Variants in YY1AP1 observed in about 807,000 individuals in gnomAD.
YY1AP1 encodes YY1-associated protein 1.
In YY1AP1, 43 loss-of-function variants were observed where a neutral mutation model predicts 39.9. That is an observed-to-expected ratio of 1.08 (90% CI 0.84 to 1.39). The LOEUF (loss-of-function observed/expected upper bound fraction) is 1.39, where lower values mean the gene tolerates loss of function less well. Among genes scored for constraint, YY1AP1 ranks in the 40% most tolerant of loss-of-function variants. YY1AP1 has a pLI of 0.00. For missense variants in YY1AP1, 813 were observed against 900.7 expected (o/e 0.90, Z 1.25); for synonymous variants, 292 against 331.3 (o/e 0.88, Z 1.29).
At chr1:155,687,025 T>C (rs919407274) in intron 2 of YY1AP1, among the ~76,000 whole-genome samples, 1 of 152,006 alleles carries the variant, frequency 6.6e-6, no homozygotes, top group Non-Finnish European at 1.5e-5. Context: ...AGAAGTTCTC[T>C]CCTTATGCCT....
At chr1:155,677,172 G>A (rs1650816979) in intron 4 of YY1AP1, among the ~76,000 whole-genome samples, 1 of 152,156 alleles carries the variant, frequency 6.6e-6, no homozygotes, top group African/African-American at 2.4e-5. Flanking sequence ...AGGCTGCACT[G>A]CCCTGCTTTC....
At position 155,670,387 on chromosome 1, in the gene YY1AP1, G is replaced by A. The variant is rs750754755; in HGVS notation, c.661C>T (p.Leu221Phe). The change falls in exon 8 of 11, where the codon CTT becomes TTT. Residue 221 changes from leucine to phenylalanine, a missense_variant. Around this residue, in one of 3 missense-constraint regions of YY1AP1, gnomAD observed 586 missense variants for 647.4 expected, o/e 0.91. Transcript: ENST00000355499. Reference sequence around the variant, plus strand: ...TTTGCCTTCAGGGAACACACTGGAAGTAACTCTGGATACATGAAAACCTTG... The same window carrying A: ...TTTGCCTTCAGGGAACACACTGGAAATAACTCTGGATACATGAAAACCTTG... ...TSKVFMYPEL[L>F]PVCSLKAKNP... The A allele has an allele frequency of 3.4e-5, 55 of 1,613,656 alleles. No individual in the cohort carries two copies. Among genetic ancestry groups the A allele is most frequent in the Non-Finnish European group, 4.6e-5 (54 of 1,180,034 alleles).
Position 155,660,479 on chromosome 1 carries a change from A to C in YY1AP1, c.1431T>G (p.Phe477Leu), listed in dbSNP as rs1647898915. Residue 477 changes from phenylalanine (F) to leucine (L), a missense_variant, in exon 11 of 11, where the codon TTT (phenylalanine) becomes TTG (leucine). By Grantham distance (22) the Phe-to-Leu change is conservative. This residue lies in a region of YY1AP1 where 586 missense variants were observed against 647.4 expected (regional missense o/e 0.91). Coordinates refer to ENST00000355499, the MANE Select transcript of YY1AP1 (RefSeq NM_139119.3). ...PPLGVSGGES[F>L]ESPAALPAMP... ...TAGCAGGCAGTGCTGCAGGAGACTC[A>C]AAACTCTCACCTCCACTGACCCCCA... is the stretch of plus-strand genomic sequence containing the variant. The C allele has an allele frequency of 1.2e-6, 2 of 1,614,122 alleles. No individual in the cohort carries two copies. The highest frequency in any genetic ancestry group is 1.7e-6 in the Non-Finnish European group (2 of 1,179,980).
intron 9 of YY1AP1, among the ~76,000 whole-genome samples, chr1:155,661,680 G>C (rs1356730466): frequency 1.3e-5 from 2 of 152,172 alleles, no homozygotes; most frequent in African/African-American, 4.8e-5. Context: ...TTTTGAGACG[G>C]AGTCTTGCTC....
intron 9 of YY1AP1, among the ~76,000 whole-genome samples, chr1:155,667,007 T>A (rs1311426920): frequency 6.6e-6 from 1 of 150,482 alleles, no homozygotes; most frequent in Non-Finnish European, 1.5e-5. Flanking sequence ...CTCAAAAAAA[T>A]AAAATAAAAT....
chr1:155,671,501 CT>C (rs1649862843), intron 7 of YY1AP1, among the ~76,000 whole-genome samples: 1 of 151,862 alleles, frequency 6.6e-6, no homozygotes, highest in African/African-American at 2.4e-5. Context: ...CCAAATTTTA[CT>C]TTTATTTCAT....
At chr1:155,672,509 A>G in intron 7 of YY1AP1, 51 bp downstream of exon 7, 1 of 1,603,880 alleles carries the variant, frequency 6.2e-7, no homozygotes, top group Non-Finnish European at 8.5e-7. Context: ...TAAGATTCCC[A>G]CCACCTCTCA....
At chr1:155,680,571 C>T (rs1651369587) in intron 2 of YY1AP1, 115 bp from the exon 3 acceptor site, 1 of 881,222 alleles carries the variant, frequency 1.1e-6, no homozygotes, top group Non-Finnish European at 1.8e-6. Context: ...TTCTTCATAT[C>T]TATCCTTATT....
intron 4 of YY1AP1, 100 bp downstream of exon 4, chr1:155,679,309 G>C: frequency 1.9e-6 from 3 of 1,568,386 alleles, no homozygotes; most frequent in Non-Finnish European, 2.6e-6. Flanking sequence ...AGTAACAGAA[G>C]CTGGCTGGGG....
intron 2 of YY1AP1, among the ~76,000 whole-genome samples, chr1:155,685,868 A>G (rs1652140290): frequency 6.6e-6 from 1 of 152,110 alleles, no homozygotes; most frequent in African/African-American, 2.4e-5. Context: ...GATTCTCTGA[A>G]GGATAAGTGA....
intron 7 of YY1AP1, chr1:155,670,675 CTTT>C (rs58881636): frequency 7.4e-3 from 2,391 of 323,322 alleles, no homozygotes; most frequent in East Asian, 0.016. Context: ...TAAAAGTTGA[CTTT>C]TTTTTTTTTT....
intron 2 of YY1AP1, among the ~76,000 whole-genome samples, chr1:155,686,336 G>A (rs1444677813): frequency 6.6e-6 from 1 of 152,018 alleles, no homozygotes; most frequent in African/African-American, 2.4e-5. Context: ...GATTACAGGT[G>A]TGAGCCACCG....
chr1:155,678,990 TCAGGGTTTGCTC>T (rs1437460919), intron 4 of YY1AP1, among the ~76,000 whole-genome samples: 1 of 152,226 alleles, frequency 6.6e-6, no homozygotes, highest in African/African-American at 2.4e-5. Context: ...TGCAGGTGCT[TCAGGGTTTGCTC>T]CACTAATGCC....
Position 155,676,417 on chromosome 1 carries a change from T to C in YY1AP1, c.324+131A>G, listed in dbSNP as rs910219527. ...CTCAAGCTCCTAACTGATGTGAAGA[T>C]ACTACGGTTTTAATACGTAGTAAGG... On this transcript the variant is annotated intron_variant, in intron 5 of 10. Coordinates refer to ENST00000355499, the MANE Select transcript of YY1AP1 (RefSeq NM_139119.3). 9.1e-5 allele frequency: 98 copies of C among 1,082,114 alleles called. No individual in the cohort carries two copies. The South Asian group carries it at 9.5e-4, about 10-fold the overall frequency. 67.0% of individuals were successfully genotyped at this position (1,082,114 alleles called of 1,614,324 possible). A position where few individuals can be genotyped will look rare whatever the true frequency, so the allele number is the denominator to read the frequency against.
chr1:155,680,592 G>T, intron 2 of YY1AP1, 136 bp from the exon 3 acceptor site: 2 of 708,678 alleles, frequency 2.8e-6, no homozygotes, highest in Non-Finnish European at 4.8e-6. Flanking sequence ...CCTGAGACAG[G>T]GTCTCACTCT....
intron 3 of YY1AP1, chr1:155,679,857 T>C: frequency 1.9e-6 from 2 of 1,057,336 alleles, no homozygotes; most frequent in Non-Finnish European, 2.4e-6. Flanking sequence ...TGGCAATCTT[T>C]AAGGACACAC....
Position 155,660,817 on chromosome 1 carries a change from G to A in YY1AP1, c.1093C>T (p.Gln365Ter). The A allele has an allele frequency of 6.2e-7, 1 of 1,614,210 alleles. No homozygotes were observed. Among genetic ancestry groups the A allele is most frequent in the South Asian group, 1.1e-5 (1 of 91,084 alleles). The change falls in exon 11 of 11, where the codon CAA becomes TAA. Residue 365 changes from glutamine (Q) to a stop codon, truncating the protein, a stop_gained. Transcript: ENST00000355499. LOFTEE classifies it low-confidence loss of function (END_TRUNC). ...MTGTTEINSD[Q>*]GLEKDNSELG... ...TCTGAGTTGTCTTTTTCTAGGCCTTGATCTGAGTTGATCTCAGTGGTTCCA... is the reference window on the plus strand; with the variant it reads ...TCTGAGTTGTCTTTTTCTAGGCCTTAATCTGAGTTGATCTCAGTGGTTCCA...
chr1:155,659,665 A>G lies in YY1AP1; in HGVS notation c.2245T>C (p.Phe749Leu). The G allele has an allele frequency of 6.2e-7, 1 of 1,614,168 alleles. No individual in the cohort carries two copies. The highest frequency in any genetic ancestry group is 2.2e-5 in the East Asian group (1 of 44,876). ...PEDATEEISG[F>L]L ...ACTCTTATTCTCCTAGCTCAAAGAA[A>G]TCCACTGATTTCCTCTGTAGCATCT... is the stretch of plus-strand genomic sequence containing the variant. Residue 749 changes from phenylalanine (F) to leucine (L), a missense_variant, in exon 11 of 11, where the codon TTT becomes CTT. Phe to Leu is a conservative substitution (Grantham distance 22). Around this residue, in one of 3 missense-constraint regions of YY1AP1, gnomAD observed 586 missense variants for 647.4 expected, o/e 0.91. Transcript: ENST00000355499.
chr1:155,680,181 CAA>C (rs35423534), intron 3 of YY1AP1, among the ~76,000 whole-genome samples: 34,475 of 104,612 alleles, frequency 0.33, 4,263 homozygotes, highest in East Asian at 0.7. Flanking sequence ...GACTTTGCCT[CAA>C]AAAAAAAAAA....
Sources: gnomAD v4.1 joint callset for allele counts (sites outside exome capture counted in the v4.1 genomes callset) on GRCh38, gnomAD v4.1.1 for gene constraint, gnomAD v4.1.1 regional missense constraint, MANE v1.5 for transcripts, NCBI Gene and HGNC (gene_info 2026-07-23, HGNC 2026-07-21) for gene names.